The following CNOT4 variants were observed in gnomAD, a reference collection of about 807,000 sequenced individuals.
The protein encoded by CNOT4 is CCR4-associated factor 4.
Under a neutral mutation model 73.8 loss-of-function variants are expected in CNOT4, and 8 were observed. That is an observed-to-expected ratio of 0.11 (90% confidence interval 0.06 to 0.20). The LOEUF is 0.20. CNOT4 is among the 10% of genes least tolerant of loss of function. The pLI, the probability that CNOT4 is intolerant of heterozygous loss-of-function variation, is 1.00. For synonymous variants in CNOT4, 293 were observed against 321.1 expected (o/e 0.91, Z 0.94); for missense variants, 564 against 883.4 (o/e 0.64, Z 4.58).
chr7:135,381,867 G>A (rs1436047035), intron 10 of CNOT4, among the ~76,000 whole-genome samples: 1 of 152,184 alleles, frequency 6.6e-6, no homozygotes, highest in Non-Finnish European at 1.5e-5. Context: ...ATTTTGGGAT[G>A]TTGCTTTGTA....
intron 1 of CNOT4, among the ~76,000 whole-genome samples, chr7:135,487,889 TA>T (rs1226262755): frequency 6.6e-6 from 1 of 152,014 alleles, no homozygotes; most frequent in Non-Finnish European, 1.5e-5. Flanking sequence ...TCGTCTCTAC[TA>T]AAAATACAAA....
chr7:135,464,324 C>A (rs568093757), intron 1 of CNOT4, among the ~76,000 whole-genome samples: 1 of 152,070 alleles, frequency 6.6e-6, no homozygotes, highest in Admixed American at 6.6e-5. Context: ...AAATGTGGTA[C>A]ATATACACCA....
chr7:135,367,974 AT>A (rs1795003769), intron 10 of CNOT4, among the ~76,000 whole-genome samples: 1 of 151,428 alleles, frequency 6.6e-6, no homozygotes, highest in Non-Finnish European at 1.5e-5. Context: ...ATGTTAAAAA[AT>A]TTTACTTTAT....
In CNOT4 at chr7:135,415,738, G is replaced by A. The variant is rs557976835; in HGVS notation, c.373-476C>T. ...TCATAAATCTATTGCATATAACACT[G>A]TTTATAAATCACAAATTTCAAGTAA... On this transcript the variant is annotated intron_variant, in intron 3 of 11. Transcript: ENST00000541284. Among the ~76,000 whole-genome samples the A allele has an allele frequency of 3.2e-4, 48 of 152,228 alleles. 1 individual carries two copies. The highest frequency in any genetic ancestry group is 1.2e-3 in the African/African-American group (48 of 41,564).
intron 1 of CNOT4, among the ~76,000 whole-genome samples, chr7:135,481,223 A>C (rs1309404106): frequency 6.6e-6 from 1 of 152,096 alleles, no homozygotes; most frequent in Non-Finnish European, 1.5e-5. Flanking sequence ...AATATACAAG[A>C]AACTCAAACC....
At chr7:135,443,552 G>A (rs1218168115) in intron 1 of CNOT4, among the ~76,000 whole-genome samples, 2 of 151,978 alleles carry the variant, frequency 1.3e-5, no homozygotes, top group Non-Finnish European at 2.9e-5. Flanking sequence ...TTGGAGCTAT[G>A]TATACTTGGA....
intron 1 of CNOT4, among the ~76,000 whole-genome samples, chr7:135,439,694 C>T (rs1335252186): frequency 2.0e-5 from 3 of 152,150 alleles, no homozygotes; most frequent in Non-Finnish European, 2.9e-5. Context: ...GCAGGAGCAT[C>T]GCTTGAGCCC....
chr7:135,424,183 A>G (rs17168431), intron 2 of CNOT4, among the ~76,000 whole-genome samples: 4,422 of 152,090 alleles, frequency 0.029, 237 homozygotes, highest in African/African-American at 0.1. Context: ...TCCTCAATCA[A>G]TTACGTAGTC....
intron 10 of CNOT4, among the ~76,000 whole-genome samples, chr7:135,370,307 A>G (rs923756071): frequency 2.6e-5 from 4 of 152,204 alleles, no homozygotes; most frequent in African/African-American, 4.8e-5. Context: ...AAAAGGCAAT[A>G]TTTGTTTATA....
intron 10 of CNOT4, among the ~76,000 whole-genome samples, chr7:135,376,241 C>T (rs1795512255): frequency 6.6e-6 from 1 of 152,204 alleles, no homozygotes; most frequent in Non-Finnish European, 1.5e-5. Flanking sequence ...CCACTCTCAA[C>T]CATCAATTTT....
chr7:135,491,290 G>C (rs996794489), intron 1 of CNOT4, among the ~76,000 whole-genome samples: 1 of 152,166 alleles, frequency 6.6e-6, no homozygotes, highest in African/African-American at 2.4e-5. Context: ...GATTGCTAAG[G>C]GAATGAGCAT....
At chr7:135,430,116 T>G (rs866055932) in intron 2 of CNOT4, among the ~76,000 whole-genome samples, 2 of 152,168 alleles carry the variant, frequency 1.3e-5, no homozygotes, top group African/African-American at 4.8e-5. Context: ...AGAATACCAA[T>G]GACACGCAAA....
intron 4 of CNOT4, 52 bp from the exon 5 acceptor site, chr7:135,414,484 C>G: frequency 2.4e-6 from 2 of 820,324 alleles, no homozygotes; most frequent in Non-Finnish European, 4.2e-6. Context: ...TTAAACAATA[C>G]TAAAAAAATT....
At chr7:135,465,110 T>G (rs1801137032) in intron 1 of CNOT4, among the ~76,000 whole-genome samples, 1 of 152,222 alleles carries the variant, frequency 6.6e-6, no homozygotes, top group Non-Finnish European at 1.5e-5. Flanking sequence ...AAATCTGGTG[T>G]ATTTCCTAAG....
chr7:135,464,873 TTTAG>T (rs1585685765), intron 1 of CNOT4, among the ~76,000 whole-genome samples: 1 of 152,226 alleles, frequency 6.6e-6, no homozygotes, highest in East Asian at 1.9e-4. Context: ...ATAAATGGCT[TTTAG>T]TGTTTAGTAA....
intron 1 of CNOT4, among the ~76,000 whole-genome samples, chr7:135,488,347 C>A (rs996899910): frequency 3.3e-5 from 5 of 152,094 alleles, no homozygotes; most frequent in Non-Finnish European, 7.3e-5. Context: ...GACAATCGTA[C>A]CACTACAGGC....
At chr7:135,450,306 A>G (rs976387427) in intron 1 of CNOT4, among the ~76,000 whole-genome samples, 2 of 152,148 alleles carry the variant, frequency 1.3e-5, no homozygotes, top group Non-Finnish European at 2.9e-5. Flanking sequence ...CCAGGAGGAC[A>G]GTCAGAAATT....
At chr7:135,378,122 A>G (rs1795620054) in intron 10 of CNOT4, among the ~76,000 whole-genome samples, 1 of 152,202 alleles carries the variant, frequency 6.6e-6, no homozygotes, top group African/African-American at 2.4e-5. Context: ...ATCTTTATTG[A>G]TTCAAAATTT....
intron 3 of CNOT4, among the ~76,000 whole-genome samples, chr7:135,419,360 G>C (rs890356442): frequency 6.6e-6 from 1 of 152,086 alleles, no homozygotes; most frequent in African/African-American, 2.4e-5. Flanking sequence ...CTAACAATTT[G>C]AACCTTCTTT....
Sources: gnomAD v4.1 joint callset for allele counts (sites outside exome capture counted in the v4.1 genomes callset) on GRCh38, gnomAD v4.1.1 for gene constraint, MANE v1.5 for transcripts, NCBI Gene and HGNC (gene_info 2026-07-23, HGNC 2026-07-21) for gene names.